The following ADGRL3 variants were observed in gnomAD, a reference collection of about 807,000 sequenced individuals.
The protein encoded by ADGRL3 is adhesion G protein-coupled receptor L3, also known as calcium-independent alpha-latrotoxin receptor 3.
A neutral mutation model predicts 153.5 loss-of-function variants in ADGRL3; 62 were observed. That is an observed-to-expected ratio of 0.40 (90% confidence interval 0.33 to 0.50). The LOEUF (loss-of-function observed/expected upper bound fraction) is 0.50, where lower values mean the gene tolerates loss of function less well. Ranked by LOEUF, ADGRL3 falls within the 20% of genes least tolerant of loss-of-function variation. The probability of loss-of-function intolerance (pLI) is 0.47; values close to 1 mark genes in which losing one functional copy is unlikely to be tolerated. For missense variants in ADGRL3, 1,641 were observed against 1,859.4 expected (o/e 0.88, Z 2.16); for synonymous variants, 710 against 672.5 (o/e 1.06, Z -0.86).
chr4:61,851,399 C>T lies in ADGRL3; in HGVS notation c.1480+37510C>T, dbSNP rs146067080. 7.1e-3 allele frequency among the ~76,000 whole-genome samples: 1,077 copies of T among 151,882 alleles called. 14 individuals carry two copies. The highest frequency in any genetic ancestry group is 0.04 in the South Asian group (193 of 4,812). On this transcript the variant is annotated intron_variant, in intron 9 of 26. Coordinates refer to ENST00000683033, the MANE Select transcript of ADGRL3 (RefSeq NM_001387552.1). ...ACCAGGAGTTTGAGACCTGCCTGGA[C>T]AGCATAACGAGAGACCTTCTCTCTA...
At chr4:61,558,102 A>T (rs539014142) in intron 4 of ADGRL3, among the ~76,000 whole-genome samples, 54 of 147,174 alleles carry the variant, frequency 3.7e-4, no homozygotes, top group African/African-American at 1.3e-3. Context: ...CTTCTCTGTG[A>T]AATTCCTACA....
intron 1 of ADGRL3, among the ~76,000 whole-genome samples, chr4:61,279,854 C>T (rs1435278670): frequency 6.6e-6 from 1 of 151,928 alleles, no homozygotes; most frequent in East Asian, 1.9e-4. Flanking sequence ...GTGATATGGC[C>T]AAGTCACTTA....
At chr4:61,547,028 C>T (rs1050159935) in intron 4 of ADGRL3, among the ~76,000 whole-genome samples, 9 of 152,128 alleles carry the variant, frequency 5.9e-5, no homozygotes, top group Non-Finnish European at 1.3e-4. Flanking sequence ...ACTCAGTGAA[C>T]GTATTCTGAG....
chr4:61,218,687 C>CAG (rs1423061508), intron 1 of ADGRL3, among the ~76,000 whole-genome samples: 1 of 152,010 alleles, frequency 6.6e-6, no homozygotes, highest in Non-Finnish European at 1.5e-5. Flanking sequence ...AGAAAAAATA[C>CAG]TGCATTTTAT....
intron 2 of ADGRL3, among the ~76,000 whole-genome samples, chr4:61,392,116 G>A (rs1474521945): frequency 6.7e-6 from 1 of 149,424 alleles, no homozygotes; most frequent in Admixed American, 6.7e-5. Context: ...TGATCCACCC[G>A]CCTGGGCCTC....
intron 8 of ADGRL3, among the ~76,000 whole-genome samples, chr4:61,804,929 A>G (rs983514017): frequency 6.9e-6 from 1 of 145,766 alleles, no homozygotes; most frequent in African/African-American, 2.6e-5. Context: ...GCCTTTATTT[A>G]TTTATTTATT....
chr4:61,212,299 A>T (rs1172711163), intron 1 of ADGRL3: 1 of 152,224 alleles, frequency 6.6e-6, no homozygotes, highest in Non-Finnish European at 1.5e-5. Context: ...TAATTATTTT[A>T]CACTTGCTGT....
Position 61,587,240 on chromosome 4 carries a change from C to T in ADGRL3, c.273C>T (p.Ala91=). The change falls in exon 5 of 27, where the codon GCC becomes GCT. Residue 91 remains alanine (A), a synonymous_variant. Coordinates refer to ENST00000683033, the MANE Select transcript of ADGRL3 (RefSeq NM_001387552.1). ...AQIAAQAFSR[A]PIPMAVVRRE... The stretch of plus-strand genomic sequence containing the variant: ...TCCTTTTGGCAGCTTTCAGCCGTGC[C>T]CCAATTCCAATGGCTGTGGTCCGCA... 6.2e-7 allele frequency: 1 copy of T among 1,605,920 alleles called. No homozygotes were observed. The highest frequency in any genetic ancestry group is 8.5e-7 in the Non-Finnish European group (1 of 1,175,728).
chr4:61,284,988 A>G (rs1198771550), intron 1 of ADGRL3, among the ~76,000 whole-genome samples: 2 of 150,990 alleles, frequency 1.3e-5, no homozygotes, highest in African/African-American at 2.5e-5. Flanking sequence ...GTTCTATAAT[A>G]TACTTATTGA....
Position 61,934,996 on chromosome 4 carries a change from A to G in ADGRL3, c.2269A>G (p.Ile757Val), listed in dbSNP as rs764620485. 1.2e-6 allele frequency: 2 copies of G among 1,613,800 alleles called. No individual in the cohort carries two copies. Among genetic ancestry groups the G allele is most frequent in the Admixed American group, 1.7e-5 (1 of 59,984 alleles). ...VLADNLLKTDIVRENTDNIKL... is the reference protein window; with the variant it reads ...VLADNLLKTDVVRENTDNIKL... ...GGCTGATAACCTTTTGAAGACTGAC[A>G]TTGTCAGGGAGAATACAGACAATAT... Residue 757 changes from isoleucine (I) to valine (V), a missense_variant, in exon 14 of 27, where the codon ATT becomes GTT. By Grantham distance (29) the Ile-to-Val change is conservative. Transcript: ENST00000683033.
At chr4:61,745,515 C>T (rs1561166914) in intron 8 of ADGRL3, among the ~76,000 whole-genome samples, 1 of 152,160 alleles carries the variant, frequency 6.6e-6, no homozygotes, top group Non-Finnish European at 1.5e-5. Flanking sequence ...GATCTCTCGG[C>T]AGAAACTCTA....
rs200275777 is a variant in ADGRL3 at position 61,676,958 on chromosome 4, C to G, written c.583+23C>G. On this transcript the variant is annotated intron_variant, in intron 6 of 26. Coordinates refer to ENST00000683033, the MANE Select transcript of ADGRL3 (RefSeq NM_001387552.1). ...ACAGTATGTATATTCCTATACTTTTCTTGGCAAGAGAAAAGATACTAAACT... is the reference window on the plus strand; with the variant it reads ...ACAGTATGTATATTCCTATACTTTTGTTGGCAAGAGAAAAGATACTAAACT... 8.7e-4 allele frequency: 1,266 copies of G among 1,453,994 alleles called. 3 individuals are homozygous for G. The highest frequency in any genetic ancestry group is 1.4e-3 in the Admixed American group (80 of 58,124). The allele number at this position is 1,453,994 out of a possible 1,614,324, so 90.1% of individuals were successfully genotyped here.
chr4:61,694,705 T>C (rs1026264001), intron 6 of ADGRL3, among the ~76,000 whole-genome samples: 1 of 152,172 alleles, frequency 6.6e-6, no homozygotes, highest in East Asian at 1.9e-4. Flanking sequence ...TCACATGGAC[T>C]GACTCTCCCT....
chr4:61,382,628 A>C (rs1194870949), intron 1 of ADGRL3, among the ~76,000 whole-genome samples: 1 of 151,722 alleles, frequency 6.6e-6, no homozygotes, highest in Non-Finnish European at 1.5e-5. Flanking sequence ...ATTGTGAATA[A>C]ATAGATTACA....
intron 8 of ADGRL3, among the ~76,000 whole-genome samples, chr4:61,801,915 TTCTC>T (rs749004659): frequency 1.3e-5 from 2 of 152,176 alleles, no homozygotes; most frequent in Non-Finnish European, 2.9e-5. Context: ...ATATGAGTGT[TTCTC>T]TCTCACTAGC....
At chr4:61,220,604 G>A (rs1186821506) in intron 1 of ADGRL3, among the ~76,000 whole-genome samples, 1 of 152,116 alleles carries the variant, frequency 6.6e-6, no homozygotes, top group Non-Finnish European at 1.5e-5. Context: ...TGTAGAAAAA[G>A]GGAGTGGAAC....
At chr4:61,337,434 C>T (rs957594376) in intron 1 of ADGRL3, among the ~76,000 whole-genome samples, 3 of 152,134 alleles carry the variant, frequency 2.0e-5, no homozygotes, top group African/African-American at 7.2e-5. Context: ...TGAAGAAATG[C>T]AACATGCTTG....
chr4:61,326,599 A>ATGTGTGTGTG (rs34387631), intron 1 of ADGRL3, among the ~76,000 whole-genome samples: 1,691 of 140,702 alleles, frequency 0.012, 43 homozygotes, highest in African/African-American at 0.04. Flanking sequence ...ATGCCAGATA[A>ATGTGTGTGTG]TGTGTGTGTG....
At chr4:61,547,794 G>A (rs930289240) in intron 4 of ADGRL3, among the ~76,000 whole-genome samples, 2 of 152,044 alleles carry the variant, frequency 1.3e-5, no homozygotes, top group African/African-American at 4.8e-5. Flanking sequence ...TGGGTCAAAT[G>A]ATATTTCTTC....
Sources: gnomAD v4.1 joint callset for allele counts (sites outside exome capture counted in the v4.1 genomes callset) on GRCh38, gnomAD v4.1.1 for gene constraint, MANE v1.5 for transcripts, NCBI Gene and HGNC (gene_info 2026-07-23, HGNC 2026-07-21) for gene names.